The following MON2 variants were observed in gnomAD, a reference collection of about 807,000 sequenced individuals.
The protein encoded by MON2 is protein MON2 homolog.
Under a neutral mutation model 208.6 loss-of-function variants are expected in MON2, and 84 were observed. The ratio of observed to expected loss-of-function variants is 0.40; its 90% confidence interval spans 0.34 to 0.48. The LOEUF (loss-of-function observed/expected upper bound fraction) is 0.48, where lower values mean the gene tolerates loss of function less well. Ranked by LOEUF, MON2 falls within the 20% of genes least tolerant of loss-of-function variation. The pLI, the probability that MON2 is intolerant of heterozygous loss-of-function variation, is 0.59. For synonymous variants in MON2, 660 were observed against 694.0 expected (o/e 0.95, Z 0.77); for missense variants, 1,611 against 2,015.4 (o/e 0.80, Z 3.84).
intron 31 of MON2, among the ~76,000 whole-genome samples, chr12:62,579,137 G>A (rs545147945): frequency 1.1e-4 from 16 of 151,764 alleles, no homozygotes; most frequent in African/African-American, 2.9e-4. Flanking sequence ...CTAGTTTCTC[G>A]GGAGACTGAA....
At chr12:62,576,479 T>TATA (rs2074790475) in intron 30 of MON2, among the ~76,000 whole-genome samples, 1 of 152,028 alleles carries the variant, frequency 6.6e-6, no homozygotes, top group Non-Finnish European at 1.5e-5. Context: ...ATAGATTATA[T>TATA]TGCAACAAAA....
chr12:62,481,350 C>T (rs182019456), intron 1 of MON2, among the ~76,000 whole-genome samples: 92 of 152,058 alleles, frequency 6.1e-4, no homozygotes, highest in Middle Eastern at 3.4e-3. Flanking sequence ...CATGGTGAAA[C>T]CTCGTCTCTA....
chr12:62,470,955 T>G (rs1057077248), intron 1 of MON2, among the ~76,000 whole-genome samples: 3 of 152,094 alleles, frequency 2.0e-5, no homozygotes, highest in Non-Finnish European at 2.9e-5. Flanking sequence ...AAATGATGAT[T>G]CTCTGTTTTG....
At chr12:62,480,499 G>A (rs1439677800) in intron 1 of MON2, among the ~76,000 whole-genome samples, 1 of 152,150 alleles carries the variant, frequency 6.6e-6, no homozygotes, top group South Asian at 2.1e-4. Context: ...CTAGGGGTCC[G>A]TGCTGCAGTG....
At chr12:62,571,365 C>T in intron 29 of MON2, 27 bp from the exon 30 acceptor site, 2 of 1,436,430 alleles carry the variant, frequency 1.4e-6, no homozygotes, top group East Asian at 2.4e-5. Flanking sequence ...TTAATTAATG[C>T]TTATATTAAA....
intron 29 of MON2, among the ~76,000 whole-genome samples, chr12:62,568,463 C>G (rs1457479937): frequency 1.3e-5 from 2 of 151,928 alleles, no homozygotes; most frequent in Non-Finnish European, 2.9e-5. Context: ...CTCAGCCTCC[C>G]AAGTCGCTGG....
chr12:62,534,967 TA>T (rs11364534), intron 13 of MON2, 41 bp downstream of exon 13: 1,310,144 of 1,310,770 alleles, frequency 1, 654,766 homozygotes, highest in East Asian at 1. Flanking sequence ...CTGTGTCAGT[TA>T]AAAAAAACAC....
intron 8 of MON2, among the ~76,000 whole-genome samples, chr12:62,519,318 T>C (rs1446997973): frequency 2.0e-5 from 3 of 151,462 alleles, no homozygotes; most frequent in African/African-American, 7.3e-5. Flanking sequence ...ATACTGGGGG[T>C]GGGTGGTGAG....
chr12:62,556,456 G>C (rs909395222), intron 25 of MON2, among the ~76,000 whole-genome samples: 1 of 152,164 alleles, frequency 6.6e-6, no homozygotes, highest in Non-Finnish European at 1.5e-5. Context: ...CTACAATGAT[G>C]TGTTACAAGG....
intron 7 of MON2, among the ~76,000 whole-genome samples, chr12:62,508,051 A>G (rs1291763984): frequency 2.0e-5 from 3 of 152,218 alleles, no homozygotes; most frequent in African/African-American, 4.8e-5. Flanking sequence ...GATTACAGGC[A>G]TGAGCCACTA....
intron 19 of MON2, among the ~76,000 whole-genome samples, chr12:62,540,153 A>G (rs1304856805): frequency 6.6e-6 from 1 of 152,178 alleles, no homozygotes; most frequent in Non-Finnish European, 1.5e-5. Context: ...TAATGTTTTC[A>G]GAATCTATGT....
chr12:62,494,996 T>C lies in MON2; in HGVS notation c.304-20T>C. On this transcript the variant is annotated intron_variant, in intron 3 of 34. Transcript: ENST00000393630. ...TCTATATTGTATTTGTTGACAATAA[T>C]TAAAATAACTATTTTACAGACTGCA... The C allele has an allele frequency of 6.3e-7, 1 of 1,577,654 alleles. No individual in the cohort carries two copies. Among genetic ancestry groups the C allele is most frequent in the South Asian group, 1.1e-5 (1 of 88,600 alleles).
At chr12:62,501,720 G>A (rs1348078239) in intron 7 of MON2, 22 bp downstream of exon 7, 1 of 1,611,822 alleles carries the variant, frequency 6.2e-7, no homozygotes, top group African/African-American at 1.3e-5. Flanking sequence ...ATAGTATCTT[G>A]TGACAAAGTT....
rs1245376384 is a variant in MON2 at position 62,544,926 on chromosome 12, G to A, written c.2495G>A (p.Arg832Lys). 6.2e-7 allele frequency: 1 copy of A among 1,609,038 alleles called. No individual in the cohort carries two copies. Reference protein sequence around the residue: ...EVCQHPNSRMREWGAEALTSL... With the variant: ...EVCQHPNSRMKEWGAEALTSL... ...TGCCAGCATCCAAACTCTCGAATGA[G>A]AGAATGGGGAGCAGAAGCTTTAACT... Residue 832 changes from arginine to lysine, a missense_variant, in exon 21 of 35, where the codon AGA (arginine) becomes AAA (lysine). Transcript: ENST00000393630.
intron 12 of MON2, among the ~76,000 whole-genome samples, chr12:62,534,286 C>T (rs1592323429): frequency 6.6e-6 from 1 of 150,900 alleles, no homozygotes; most frequent in Non-Finnish European, 1.5e-5. Context: ...TTTGGGAGGC[C>T]GAGGTGGGTG....
At chr12:62,532,783 C>T (rs2072717083) in intron 12 of MON2, 113 bp downstream of exon 12, 3 of 714,390 alleles carry the variant, frequency 4.2e-6, no homozygotes, top group South Asian at 3.7e-5. Flanking sequence ...AACCACTTTC[C>T]CACATTTACC....
In MON2 at chr12:62,537,582, G is replaced by A. The variant is rs956991300; in HGVS notation, c.2014-20G>A. ...AGAATACATAACAATTATTGAAAATGTATCCTTTTTAAAATATAGCTGACT... is the reference window on the plus strand; with the variant it reads ...AGAATACATAACAATTATTGAAAATATATCCTTTTTAAAATATAGCTGACT... On this transcript the variant is annotated intron_variant, in intron 15 of 34. Coordinates refer to ENST00000393630, the MANE Select transcript of MON2 (RefSeq NM_015026.3). 2.0e-6 allele frequency: 3 copies of A among 1,531,864 alleles called. No individual in the cohort carries two copies. Among genetic ancestry groups the A allele is most frequent in the African/African-American group, 1.4e-5 (1 of 72,482 alleles). The allele number at this position is 1,531,864 out of a possible 1,614,324, so 94.9% of individuals were successfully genotyped here.
Position 62,546,962 on chromosome 12 carries a change from A to T in MON2, c.2643A>T (p.Arg881=), listed in dbSNP as rs1317702327. Residue 881 remains arginine, a synonymous_variant, in exon 22 of 35, where the codon CGA becomes CGT. Coordinates refer to ENST00000393630, the MANE Select transcript of MON2 (RefSeq NM_015026.3). ...CCAATATTAATCATCCAGATATTCG[A>T]CTCAAGCAGTTAGAATGCGTGTTGC... is the stretch of plus-strand genomic sequence containing the variant. The part of the protein sequence containing the change: ...EMSNINHPDI[R]LKQLECVLQI... The T allele has an allele frequency of 1.2e-6, 2 of 1,613,214 alleles. No individual in the cohort carries two copies. Among genetic ancestry groups the T allele is most frequent in the Admixed American group, 3.3e-5 (2 of 59,958 alleles).
At chr12:62,574,110 A>G (rs900703675) in intron 30 of MON2, among the ~76,000 whole-genome samples, 2 of 152,226 alleles carry the variant, frequency 1.3e-5, no homozygotes, top group South Asian at 2.1e-4. Context: ...TTAAATGTCA[A>G]TAATAATGCT....
Sources: gnomAD v4.1 joint callset for allele counts (sites outside exome capture counted in the v4.1 genomes callset) on GRCh38, gnomAD v4.1.1 for gene constraint, MANE v1.5 for transcripts, NCBI Gene and HGNC (gene_info 2026-07-23, HGNC 2026-07-21) for gene names.